Variants in CHD1L observed in about 807,000 individuals in gnomAD.
CHD1L encodes chromodomain helicase DNA binding protein 1 like, also known as ATP-dependent chromatin remodeler CHD1L.
In CHD1L, 118 loss-of-function variants were observed where a neutral mutation model predicts 115.9. The observed-to-expected ratio is 1.02, with a 90% confidence interval of 0.88 to 1.19. CHD1L has a LOEUF of 1.19. Ranked by LOEUF, CHD1L falls within the 50% of genes most tolerant of loss-of-function variation. The pLI, the probability that CHD1L is intolerant of heterozygous loss-of-function variation, is 0.00. For synonymous variants in CHD1L, 411 were observed against 387.1 expected, an observed-to-expected ratio of 1.06 and a Z score of -0.72; for missense variants, 1,179 against 1,065.3, an observed-to-expected ratio of 1.11 and a Z score of -1.49.
chr1:147,225,269 T>C, the CHD1L span: 1 of 1,068,750 alleles, frequency 9.4e-7, no homozygotes. Context: ...AGTGCTCTGC[T>C]GCGGTACCGG....
the CHD1L span, chr1:147,204,373 C>T: frequency 8.8e-6 from 9 of 1,028,330 alleles, no homozygotes; most frequent in South Asian, 1.1e-4. Flanking sequence ...AATAGATACG[C>T]ATGCCTGAAC....
chr1:147,204,946 G>A, the CHD1L span: 3 of 1,516,424 alleles, frequency 2.0e-6, no homozygotes, highest in Non-Finnish European at 2.7e-6. Flanking sequence ...CAGCCTGCAG[G>A]AAGCCGTTCA....
the CHD1L span, chr1:147,201,167 T>G: frequency 6.2e-7 from 1 of 1,611,680 alleles, no homozygotes; most frequent in Non-Finnish European, 8.5e-7. Flanking sequence ...AATACCTGAG[T>G]GGCCCAGCGT....
the CHD1L span, among the ~76,000 whole-genome samples, chr1:147,179,900 A>AT: frequency 2.6e-5 from 4 of 151,362 alleles, no homozygotes; most frequent in South Asian, 2.1e-4. Flanking sequence ...GTATTTTCTA[A>AT]TTTTTTTGTG....
intron 6 of CHD1L, chr1:147,260,802 C>G (rs1671660207): frequency 6.6e-6 from 1 of 152,186 alleles, no homozygotes. Context: ...CTCTGGATCT[C>G]TTGCATCATT....
chr1:147,215,230 G>C, the CHD1L span: 2 of 152,224 alleles, frequency 1.3e-5, no homozygotes, highest in African/African-American at 4.8e-5. Context: ...GTTAGTTAGT[G>C]GTAGGGCAAG....
chr1:147,291,625 C>T (rs782810861), intron 20 of CHD1L, 73 bp downstream of exon 20: 179 of 1,190,500 alleles, frequency 1.5e-4, no homozygotes, highest in Admixed American at 4.1e-4. Flanking sequence ...TCCCCTGCCC[C>T]AATTGGCCTC....
chr1:147,185,786 A>G, the CHD1L span, among the ~76,000 whole-genome samples: 2 of 152,224 alleles, frequency 1.3e-5, no homozygotes, highest in Non-Finnish European at 2.9e-5. Context: ...TAATTTCTCC[A>G]TGAAACAAGA....
chr1:147,205,795 C>T, the CHD1L span, among the ~76,000 whole-genome samples: 1 of 151,986 alleles, frequency 6.6e-6, no homozygotes, highest in African/African-American at 2.4e-5. Flanking sequence ...AAATGTTAGA[C>T]CTAAAACCAT....
At position 147,293,104 on chromosome 1, in the gene CHD1L, C is replaced by G. The variant is rs1186436885; in HGVS notation, c.2392-504C>G. ...TATGATATGACTGTGGTGATGTCATCCCGGAAGCTCCCTTGACACTCTCCA... is the reference window on the plus strand; with the variant it reads ...TATGATATGACTGTGGTGATGTCATGCCGGAAGCTCCCTTGACACTCTCCA... On this transcript the variant is annotated intron_variant, in intron 20 of 22. Transcript: ENST00000369258. Among the ~76,000 whole-genome samples, 6 of 151,762 alleles carry G rather than the reference C, an allele frequency of 4.0e-5. No individual in the cohort carries two copies. The East Asian group carries it at 9.7e-4, about 24-fold the overall frequency.
At chr1:147,251,661 C>T (rs1204472672) in intron 1 of CHD1L, among the ~76,000 whole-genome samples, 1 of 151,862 alleles carries the variant, frequency 6.6e-6, no homozygotes, top group East Asian at 1.9e-4. Context: ...TCCCAAGTAG[C>T]TAGGATTACA....
At position 147,256,535 on chromosome 1, in the gene CHD1L, G is replaced by T. The variant is rs1285620240; in HGVS notation, c.467G>T (p.Cys156Phe). The T allele has an allele frequency of 2.5e-6, 4 of 1,613,220 alleles. No homozygotes were observed. Among genetic ancestry groups the T allele is most frequent in the Non-Finnish European group, 3.4e-6 (4 of 1,179,450 alleles). ...FHVLLTTYEI[C>F]LKDASFLKSF... Reference sequence around the variant, plus strand: ...CGTGTCTTCCTAATTTTTCAGATTTGCTTGAAAGATGCATCATTTCTAAAA... The same window carrying T: ...CGTGTCTTCCTAATTTTTCAGATTTTCTTGAAAGATGCATCATTTCTAAAA... The change falls in exon 5 of 23, where the codon TGC becomes TTC. Residue 156 changes from cysteine (C) to phenylalanine (F), a missense_variant. By Grantham distance (205) the Cys-to-Phe change is radical. Transcript: ENST00000369258.
the CHD1L span, among the ~76,000 whole-genome samples, chr1:147,193,558 G>A: frequency 6.6e-6 from 1 of 152,054 alleles, no homozygotes; most frequent in Non-Finnish European, 1.5e-5. Flanking sequence ...GCTTTTGAAT[G>A]TGTTTGCTCT....
At chr1:147,256,422 A>G in intron 4 of CHD1L, 109 bp from the exon 5 acceptor site, 1 of 975,046 alleles carries the variant, frequency 1.0e-6, no homozygotes, top group East Asian at 2.4e-5. Context: ...TAGTGAACAA[A>G]TGAGACTTAG....
chr1:147,266,507 G>C (rs1179864574), intron 8 of CHD1L, among the ~76,000 whole-genome samples: 1 of 152,180 alleles, frequency 6.6e-6, no homozygotes, highest in Non-Finnish European at 1.5e-5. Context: ...ATCAAACTCT[G>C]TTGTTAGTAG....
At chr1:147,294,916 A>G (rs979009103) in intron 22 of CHD1L, among the ~76,000 whole-genome samples, 11 of 152,202 alleles carry the variant, frequency 7.2e-5, no homozygotes, top group African/African-American at 2.7e-4. Context: ...TAAGTGAACT[A>G]TTTTATTCCT....
the CHD1L span, among the ~76,000 whole-genome samples, chr1:147,217,049 T>A: frequency 6.6e-6 from 1 of 151,926 alleles, no homozygotes; most frequent in Non-Finnish European, 1.5e-5. Context: ...AAGACCAGCC[T>A]GACCAACATG....
the CHD1L span, among the ~76,000 whole-genome samples, chr1:147,202,884 C>T: frequency 6.6e-6 from 1 of 152,092 alleles, no homozygotes; most frequent in Non-Finnish European, 1.5e-5. Context: ...GTCACCAAGC[C>T]TTTTCCCTTT....
chr1:147,293,209 G>C (rs1232746485), intron 20 of CHD1L, among the ~76,000 whole-genome samples: 2 of 152,144 alleles, frequency 1.3e-5, no homozygotes, highest in Non-Finnish European at 2.9e-5. Context: ...GAGATGGAAT[G>C]ACTGCTTGTC....
Sources: allele counts gnomAD v4.1 joint callset (sites outside exome capture counted in the v4.1 genomes callset), GRCh38; gene constraint gnomAD v4.1.1; transcripts MANE v1.5; gene names NCBI Gene and HGNC (gene_info 2026-07-23, HGNC 2026-07-21).